Variants in SYT16 observed in about 807,000 individuals in gnomAD.
The protein encoded by SYT16 is synaptotagmin 16, also known as synaptotagmin-16.
Under a neutral mutation model 61.4 loss-of-function variants are expected in SYT16, and 42 were observed. The ratio of observed to expected loss-of-function variants is 0.68; its 90% CI spans 0.53 to 0.89. SYT16 has a LOEUF of 0.89. Among genes scored for constraint, SYT16 ranks in the 40% least tolerant of loss-of-function variants. The pLI is 0.00. For synonymous variants in SYT16, 314 were observed against 302.3 expected, an observed-to-expected ratio of 1.04 and a Z score of -0.40; for missense variants, 804 against 807.3, an observed-to-expected ratio of 1.00 and a Z score of 0.05.
At chr14:61,889,085 C>G (rs980102096) in intron 1 of SYT16, among the ~76,000 whole-genome samples, 4 of 152,128 alleles carry the variant, frequency 2.6e-5, no homozygotes, top group Admixed American at 6.5e-5. Context: ...AGACTTTATT[C>G]AAGGGAGGCA....
chr14:61,968,859 A>G (rs1463719264), intron 1 of SYT16, among the ~76,000 whole-genome samples: 1 of 152,154 alleles, frequency 6.6e-6, no homozygotes, highest in Non-Finnish European at 1.5e-5. Context: ...ATCAATATGC[A>G]TGTACTTTAT....
intron 3 of SYT16, among the ~76,000 whole-genome samples, chr14:62,058,305 A>G (rs1402732024): frequency 2.0e-5 from 3 of 147,152 alleles, no homozygotes; most frequent in Admixed American, 6.8e-5. Flanking sequence ...GTGGGTGGCT[A>G]GGTTATATGG....
chr14:62,057,425 A>G (rs1230441370), intron 3 of SYT16, among the ~76,000 whole-genome samples: 1 of 152,130 alleles, frequency 6.6e-6, no homozygotes, highest in African/African-American at 2.4e-5. Context: ...AGAGGGTCCA[A>G]TAACTAGAGA....
intron 3 of SYT16, among the ~76,000 whole-genome samples, chr14:62,000,586 A>G (rs981928665): frequency 2.2e-4 from 34 of 152,002 alleles, no homozygotes; most frequent in Non-Finnish European, 3.8e-4. Context: ...TCTTCTTGCT[A>G]GATTGATTTG....
At chr14:62,037,985 A>G (rs1023150765) in intron 3 of SYT16, among the ~76,000 whole-genome samples, 1 of 152,186 alleles carries the variant, frequency 6.6e-6, no homozygotes, top group South Asian at 2.1e-4. Context: ...TGAGCCTGGC[A>G]TGTCATAGAG....
intron 1 of SYT16, among the ~76,000 whole-genome samples, chr14:61,968,353 G>A (rs1329819524): frequency 6.6e-6 from 1 of 152,148 alleles, no homozygotes; most frequent in Non-Finnish European, 1.5e-5. Flanking sequence ...GGAGCATGTG[G>A]TGGTGAGGAG....
At chr14:62,036,683 G>A (rs576299885) in intron 3 of SYT16, among the ~76,000 whole-genome samples, 2 of 152,254 alleles carry the variant, frequency 1.3e-5, no homozygotes, top group East Asian at 3.9e-4. Flanking sequence ...AGCCTGTGCA[G>A]GGGAGCTGTC....
At chr14:61,998,166 C>T (rs1458656315) in intron 3 of SYT16, among the ~76,000 whole-genome samples, 2 of 151,986 alleles carry the variant, frequency 1.3e-5, no homozygotes, top group African/African-American at 4.8e-5. Context: ...CAGTCTCATA[C>T]TAACATTTAC....
intron 7 of SYT16, among the ~76,000 whole-genome samples, chr14:62,099,569 G>A (rs1262194664): frequency 1.3e-5 from 2 of 152,160 alleles, no homozygotes; most frequent in African/African-American, 2.4e-5. Context: ...GAGAAGAAGT[G>A]TAGTATTCAG....
chr14:62,046,455 T>G (rs1283305368), intron 3 of SYT16, among the ~76,000 whole-genome samples: 1 of 152,142 alleles, frequency 6.6e-6, no homozygotes, highest in Non-Finnish European at 1.5e-5. Flanking sequence ...CTCTTTAGTT[T>G]AATTAGATCC....
At chr14:61,919,741 C>G (rs1465133397) in intron 1 of SYT16, among the ~76,000 whole-genome samples, 1 of 3,780 alleles carries the variant, frequency 2.6e-4, no homozygotes, top group African/African-American at 1.1e-3. Flanking sequence ...CACTCTTCCC[C>G]TTTGCCATGT....
intron 3 of SYT16, among the ~76,000 whole-genome samples, chr14:62,050,981 A>G (rs2055256300): frequency 6.6e-6 from 1 of 152,190 alleles, no homozygotes; most frequent in African/African-American, 2.4e-5. Context: ...TGGGAGAACC[A>G]CTACTCTCTT....
intron 1 of SYT16, among the ~76,000 whole-genome samples, chr14:61,939,788 G>A (rs1226206015): frequency 2.6e-5 from 4 of 152,122 alleles, no homozygotes; most frequent in African/African-American, 9.7e-5. Context: ...GAAAAAGGAC[G>A]AATGGAAGGA....
chr14:61,965,181 A>G (rs532458963), intron 1 of SYT16, among the ~76,000 whole-genome samples: 1 of 152,240 alleles, frequency 6.6e-6, no homozygotes, highest in East Asian at 1.9e-4. Flanking sequence ...AATTTTAAAC[A>G]TGTCTAAACA....
At chr14:61,851,131 A>T (rs1298583396) in intron 1 of SYT16, among the ~76,000 whole-genome samples, 1 of 151,818 alleles carries the variant, frequency 6.6e-6, no homozygotes, top group Non-Finnish European at 1.5e-5. Context: ...TCATCATTCA[A>T]CTCCCACTTA....
chr14:61,967,860 T>C (rs1038280551), intron 1 of SYT16, among the ~76,000 whole-genome samples: 4 of 152,126 alleles, frequency 2.6e-5, no homozygotes, highest in Non-Finnish European at 5.9e-5. Context: ...CATTTCAGAA[T>C]GATTGTTCTG....
chr14:61,824,249 A>G (rs887354923), intron 1 of SYT16, among the ~76,000 whole-genome samples: 1 of 152,102 alleles, frequency 6.6e-6, no homozygotes, highest in Non-Finnish European at 1.5e-5. Context: ...ATTCTAGTCT[A>G]TATTCTCCTT....
At chr14:62,004,973 G>A (rs987791183) in intron 3 of SYT16, among the ~76,000 whole-genome samples, 19 of 152,216 alleles carry the variant, frequency 1.2e-4, no homozygotes, top group African/African-American at 4.3e-4. Context: ...CCAGGCAGGG[G>A]TGGTAGATGA....
At chr14:62,055,354 A>G (rs1655443227) in intron 3 of SYT16, among the ~76,000 whole-genome samples, 1 of 152,238 alleles carries the variant, frequency 6.6e-6, no homozygotes, top group Non-Finnish European at 1.5e-5. Flanking sequence ...TGTCTAGGTG[A>G]ATCTTTTTGC....
Sources: gnomAD v4.1 joint callset for allele counts (sites outside exome capture counted in the v4.1 genomes callset) on GRCh38, gnomAD v4.1.1 for gene constraint, MANE v1.5 for transcripts, NCBI Gene and HGNC (gene_info 2026-07-23, HGNC 2026-07-21) for gene names.